Variants in SPRR2E observed in about 807,000 individuals in gnomAD.
The protein encoded by SPRR2E is small proline-rich protein 2E.
For missense variants in SPRR2E, 68 were observed against 87.1 expected (o/e 0.78, Z 0.87); for synonymous variants, 20 against 32.2 (o/e 0.62, Z 1.28).
rs3737865 is a variant in SPRR2E at position 153,093,596 on chromosome 1, T to C, written c.156A>G (p.Gln52=). The C allele has an allele frequency of 0.084, 122,841 of 1,466,864 alleles. 11,826 individuals are homozygous for C. Among genetic ancestry groups the C allele is most frequent in the East Asian group, 0.46 (20,119 of 43,466 alleles). 90.9% of individuals were successfully genotyped at this position (1,466,864 alleles called of 1,614,324 possible). A position where few individuals can be genotyped will look rare whatever the true frequency, so the allele number is the denominator to read the frequency against. Residue 52 remains glutamine (Q), a synonymous_variant, in exon 2 of 2, where the codon CAA becomes CAG. Transcript: ENST00000368750. The stretch of plus-strand genomic sequence containing the variant: ...GGGAAGGTGTCACAGGAGGACATTT[T>C]TGCTGGCACTGCTGAGGTGGGCAGG... ...PQPCPPQQCQ[Q]KCPPVTPSPP...
At chr1:153,093,830 AG>A in intron 1 of SPRR2E, 60 bp from the exon 2 acceptor site, 1 of 1,605,674 alleles carries the variant, frequency 6.2e-7, no homozygotes, top group Admixed American at 1.7e-5. Flanking sequence ...GAGAAGCCAA[AG>A]CTTATGTAAT....
chr1:153,094,180 C>T (rs1655165679), intron 1 of SPRR2E, among the ~76,000 whole-genome samples: 1 of 152,246 alleles, frequency 6.6e-6, no homozygotes, highest in Non-Finnish European at 1.5e-5. Context: ...CTGGCTCTCA[C>T]ACCTGCTAAG....
Position 153,093,293 on chromosome 1 carries a change from TG to T in SPRR2E, c.*239del. On this transcript the variant is annotated 3_prime_UTR_variant, in exon 2 of 2. Coordinates refer to ENST00000368750, the MANE Select transcript of SPRR2E (RefSeq NM_001024209.4). ...GCTGCTGGTCCTTCTTCCAAAGCTC[TG>T]GGAACTGACACTGCTGAGGACTTCC... The T allele has an allele frequency of 1.4e-6, 1 of 717,288 alleles. No individual in the cohort carries two copies. Among genetic ancestry groups the T allele is most frequent in the Non-Finnish European group, 2.2e-6 (1 of 457,886 alleles). The allele number at this position is 717,288 out of a possible 1,614,324, so 44.4% of individuals were successfully genotyped here.
Position 153,093,459 on chromosome 1 carries a change from A to G in SPRR2E, c.*74T>C. The G allele has an allele frequency of 6.4e-7, 1 of 1,565,276 alleles. No individual in the cohort carries two copies. Among genetic ancestry groups the G allele is most frequent in the African/African-American group, 1.3e-5 (1 of 74,170 alleles). On this transcript the variant is annotated 3_prime_UTR_variant, in exon 2 of 2. Transcript: ENST00000368750. The stretch of plus-strand genomic sequence containing the variant: ...ATCCATGGTAGGCTTTGATGAGAAG[A>G]TGCAGGTGAAGCTGTGGAACAAGGT...
At position 153,093,647 on chromosome 1, in the gene SPRR2E, G is replaced by A. The variant is rs756301897; in HGVS notation, c.105C>T (p.Pro35=). ...GCTGTGGACACTTTGGTGGTGGGCA[G>A]GGCTCAGGGCACTTCGGGGGTGGAC... is the stretch of plus-strand genomic sequence containing the variant. The part of the protein sequence containing the change: ...EPCPPPKCPE[P]CPPPKCPQPC... The change falls in exon 2 of 2, where the codon CCC becomes CCT. Residue 35 remains proline, a synonymous_variant. Coordinates refer to ENST00000368750, the MANE Select transcript of SPRR2E (RefSeq NM_001024209.4). 9 of 1,612,326 alleles carry A rather than the reference G, an allele frequency of 5.6e-6. No individual in the cohort carries two copies. In the East Asian group the frequency reaches 1.6e-4, roughly 28 times the overall value.
rs1291160238 is a variant in SPRR2E at position 153,094,470 on chromosome 1, G to T, written c.-20+14C>A. 6.5e-6 allele frequency: 1 copy of T among 153,420 alleles called. No homozygotes were observed. The highest frequency in any genetic ancestry group is 2.4e-5 in the African/African-American group (1 of 41,444). The allele number at this position is 153,420 out of a possible 1,614,324, so 9.5% of individuals were successfully genotyped here. On this transcript the variant is annotated intron_variant, in intron 1 of 1. Transcript: ENST00000368750. ...GGGCACAAAGAACAGAGGAACTCAA[G>T]GAAGCAGACTCACCAGGTTCTCCAA... is the stretch of plus-strand genomic sequence containing the variant.
Position 153,093,572 on chromosome 1 carries a change from G to A in SPRR2E, c.180C>T (p.Ser60=), listed in dbSNP as rs777841316. 1.9e-6 allele frequency: 3 copies of A among 1,612,998 alleles called. No homozygotes were observed. Among genetic ancestry groups the A allele is most frequent in the Non-Finnish European group, 2.5e-6 (3 of 1,179,814 alleles). ...GTGGACACTTTGGCTGGCAGGGTGG[G>A]GAAGGTGTCACAGGAGGACATTTTT... ...CQQKCPPVTP[S]PPCQPKCPPK... The change falls in exon 2 of 2, where the codon TCC becomes TCT. Residue 60 remains serine, a synonymous_variant. Coordinates refer to ENST00000368750, the MANE Select transcript of SPRR2E (RefSeq NM_001024209.4).
rs552357805 is a variant in SPRR2E, at chr1:153,093,383, A to G, written c.*150T>C. The stretch of plus-strand genomic sequence containing the variant: ...CTCAGAAAGGAAACCTTTTGCTATC[A>G]GGGATCATCATGGGCAGATCACTGG... On this transcript the variant is annotated 3_prime_UTR_variant, in exon 2 of 2. Coordinates refer to ENST00000368750, the MANE Select transcript of SPRR2E (RefSeq NM_001024209.4). 1.4e-4 allele frequency: 200 copies of G among 1,421,080 alleles called. 2 individuals carry two copies. In the Middle Eastern group the frequency reaches 3.9e-3, roughly 28 times the overall value. 88.0% of individuals were successfully genotyped at this position (1,421,080 alleles called of 1,614,324 possible).
In SPRR2E at chr1:153,093,622, G is replaced by A. The variant is rs200356708; in HGVS notation, c.130C>T (p.Pro44Ser). Residue 44 changes from proline (P) to serine (S), a missense_variant, in exon 2 of 2, where the codon CCC (proline) becomes TCC (serine). Pro to Ser is a moderately conservative substitution (Grantham distance 74). Coordinates refer to ENST00000368750, the MANE Select transcript of SPRR2E (RefSeq NM_001024209.4). ...TGCTGGCACTGCTGAGGTGGGCAGGGCTGTGGACACTTTGGTGGTGGGCAG... is the reference window on the plus strand; with the variant it reads ...TGCTGGCACTGCTGAGGTGGGCAGGACTGTGGACACTTTGGTGGTGGGCAG... ...EPCPPPKCPQ[P>S]CPPQQCQQKC... is the part of the protein sequence containing the mutation. 4.7e-3 allele frequency: 7,554 copies of A among 1,591,240 alleles called. 125 individuals carry two copies. The highest frequency in any genetic ancestry group is 8.7e-3 in the Middle Eastern group (43 of 4,926).
intron 1 of SPRR2E, 73 bp downstream of exon 1, chr1:153,094,411 A>G (rs1655170449): frequency 6.5e-6 from 1 of 154,554 alleles, no homozygotes; most frequent in African/African-American, 2.4e-5. Context: ...GGATCCACCA[A>G]ACTTGCTGGA....
Position 153,093,335 on chromosome 1 carries a change from C to G in SPRR2E, c.*198G>C. On this transcript the variant is annotated 3_prime_UTR_variant, in exon 2 of 2. Coordinates refer to ENST00000368750, the MANE Select transcript of SPRR2E (RefSeq NM_001024209.4). ...GAGGACTTCCTTTCTCAGTCTCCAC[C>G]TGGACAGTGGCAATATGGCAGCCTC... 1 of 1,061,184 alleles carries G rather than the reference C, an allele frequency of 9.4e-7. No homozygotes were observed. The highest frequency in any genetic ancestry group is 2.6e-5 in the East Asian group (1 of 38,422). The allele number at this position is 1,061,184 out of a possible 1,614,324, so 65.7% of individuals were successfully genotyped here.
At position 153,093,864 on chromosome 1, in the gene SPRR2E, A is replaced by G. The variant is rs189806921; in HGVS notation, c.-19-94T>C. ...AATACCATGGCATATTATTTCTCCA[A>G]TCTCCAAAAATTTATTTAAACTCTT... On this transcript the variant is annotated intron_variant, in intron 1 of 1. Coordinates refer to ENST00000368750, the MANE Select transcript of SPRR2E (RefSeq NM_001024209.4). 13 of 1,416,228 alleles carry G rather than the reference A, an allele frequency of 9.2e-6. No homozygotes were observed. In the Admixed American group the frequency reaches 1.6e-4, roughly 17 times the overall value. The allele number at this position is 1,416,228 out of a possible 1,614,324, so 87.7% of individuals were successfully genotyped here.
At position 153,093,593 on chromosome 1, in the gene SPRR2E, T is replaced by C; in HGVS notation, c.159A>G (p.Lys53=). The stretch of plus-strand genomic sequence containing the variant: ...GTGGGGAAGGTGTCACAGGAGGACA[T>C]TTTTGCTGGCACTGCTGAGGTGGGC... The part of the protein sequence containing the change: ...QPCPPQQCQQ[K]CPPVTPSPPC... The change falls in exon 2 of 2, where the codon AAA becomes AAG. Residue 53 remains lysine (K), a synonymous_variant. Transcript: ENST00000368750. 3 of 1,612,898 alleles carry C rather than the reference T, an allele frequency of 1.9e-6. No individual in the cohort carries two copies. Among genetic ancestry groups the C allele is most frequent in the Non-Finnish European group, 8.5e-7 (1 of 1,179,836 alleles).
At position 153,093,279 on chromosome 1, in the gene SPRR2E, T is replaced by G; in HGVS notation, c.*254A>C. 1.5e-6 allele frequency: 1 copy of G among 648,418 alleles called. No homozygotes were observed. Among genetic ancestry groups the G allele is most frequent in the Non-Finnish European group, 2.5e-6 (1 of 404,308 alleles). 40.2% of individuals were successfully genotyped at this position (648,418 alleles called of 1,614,324 possible). ...TTCCCAGGGACAGAGCTGCTGGTCC[T>G]TCTTCCAAAGCTCTGGGAACTGACA... On this transcript the variant is annotated 3_prime_UTR_variant, in exon 2 of 2. Coordinates refer to ENST00000368750, the MANE Select transcript of SPRR2E (RefSeq NM_001024209.4).
In SPRR2E at chr1:153,093,237, A is replaced by G. The variant is rs1369341229; in HGVS notation, c.*296T>C. 2 of 495,612 alleles carry G rather than the reference A, an allele frequency of 4.0e-6. No homozygotes were observed. Among genetic ancestry groups the G allele is most frequent in the Non-Finnish European group, 6.9e-6 (2 of 289,568 alleles). 30.7% of individuals were successfully genotyped at this position (495,612 alleles called of 1,614,324 possible). A position where few individuals can be genotyped will look rare whatever the true frequency, so the allele number is the denominator to read the frequency against. On this transcript the variant is annotated 3_prime_UTR_variant, in exon 2 of 2. Transcript: ENST00000368750. ...TGACAGACAGACACAGAAAACATCA[A>G]CAGCATTTTTTGATGGTTCCCAGGG...
chr1:153,093,315 C>A lies in SPRR2E; in HGVS notation c.*218G>T. ...CTCTGGGAACTGACACTGCTGAGGA[C>A]TTCCTTTCTCAGTCTCCACCTGGAC... On this transcript the variant is annotated 3_prime_UTR_variant, in exon 2 of 2. Transcript: ENST00000368750. 1.1e-6 allele frequency: 1 copy of A among 892,592 alleles called. No individual in the cohort carries two copies. Among genetic ancestry groups the A allele is most frequent in the Non-Finnish European group, 1.7e-6 (1 of 602,248 alleles). The allele number at this position is 892,592 out of a possible 1,614,324, so 55.3% of individuals were successfully genotyped here.
intron 1 of SPRR2E, among the ~76,000 whole-genome samples, chr1:153,094,106 T>G (rs150148693): frequency 8.4e-3 from 1,284 of 152,050 alleles, no homozygotes; most frequent in African/African-American, 0.03. Flanking sequence ...CTATCATCAT[T>G]ATCTGTTGTA....
chr1:153,093,586 G>A lies in SPRR2E; in HGVS notation c.166C>T (p.Pro56Ser), dbSNP rs200141304. 70 of 1,613,006 alleles carry A rather than the reference G, an allele frequency of 4.3e-5. No homozygotes were observed. In the African/African-American group the frequency reaches 8.9e-4, roughly 21 times the overall value. ...TGGCAGGGTGGGGAAGGTGTCACAGGAGGACATTTTTGCTGGCACTGCTGA... is the reference window on the plus strand; with the variant it reads ...TGGCAGGGTGGGGAAGGTGTCACAGAAGGACATTTTTGCTGGCACTGCTGA... ...PPQQCQQKCP[P>S]VTPSPPCQPK... The change falls in exon 2 of 2, where the codon CCT (proline) becomes TCT (serine). Residue 56 changes from proline (P) to serine (S), a missense_variant. Transcript: ENST00000368750.
chr1:153,093,460 T>C lies in SPRR2E; in HGVS notation c.*73A>G, dbSNP rs1655136959. ...TCCATGGTAGGCTTTGATGAGAAGA[T>C]GCAGGTGAAGCTGTGGAACAAGGTG... On this transcript the variant is annotated 3_prime_UTR_variant, in exon 2 of 2. Coordinates refer to ENST00000368750, the MANE Select transcript of SPRR2E (RefSeq NM_001024209.4). 6.4e-7 allele frequency: 1 copy of C among 1,565,744 alleles called. No homozygotes were observed. Among genetic ancestry groups the C allele is most frequent in the Admixed American group, 1.8e-5 (1 of 56,682 alleles).
Sources: gnomAD v4.1 joint callset for allele counts (sites outside exome capture counted in the v4.1 genomes callset) on GRCh38, gnomAD v4.1.1 for gene constraint, MANE v1.5 for transcripts, NCBI Gene and HGNC (gene_info 2026-07-23, HGNC 2026-07-21) for gene names.